Variants in STXBP5L observed in about 807,000 individuals in gnomAD.
STXBP5L encodes the protein syntaxin-binding protein 5-like.
Under a neutral mutation model 144.5 loss-of-function variants are expected in STXBP5L, and 65 were observed. The observed-to-expected ratio is 0.45, with a 90% CI of 0.37 to 0.55. The LOEUF (loss-of-function observed/expected upper bound fraction) is 0.55. Ranked by LOEUF, STXBP5L falls within the 20% of genes least tolerant of loss-of-function variation. STXBP5L has a pLI of 0.00. For synonymous variants in STXBP5L, 505 were observed against 469.6 expected, an observed-to-expected ratio of 1.08 and a Z score of -0.97; for missense variants, 1,298 against 1,405.5, an observed-to-expected ratio of 0.92 and a Z score of 1.22.
chr3:120,942,158 T>C (rs1382860265), intron 2 of STXBP5L, among the ~76,000 whole-genome samples: 2 of 151,758 alleles, frequency 1.3e-5, no homozygotes, highest in Non-Finnish European at 3.0e-5. Context: ...TTTTTGAAGA[T>C]ACTTTGAAAA....
chr3:121,044,174 A>G (rs767957221), intron 4 of STXBP5L, among the ~76,000 whole-genome samples: 4 of 152,162 alleles, frequency 2.6e-5, no homozygotes, highest in Non-Finnish European at 4.4e-5. Flanking sequence ...ACATGTATGT[A>G]TGTAATTAGA....
intron 10 of STXBP5L, among the ~76,000 whole-genome samples, chr3:121,212,400 A>C: frequency 6.6e-6 from 1 of 152,188 alleles, no homozygotes; most frequent in East Asian, 1.9e-4. Context: ...ATAAGGTATA[A>C]GGAAGGGGTC....
chr3:121,120,178 A>C (rs1287205974), intron 6 of STXBP5L, among the ~76,000 whole-genome samples: 1 of 151,324 alleles, frequency 6.6e-6, no homozygotes, highest in African/African-American at 2.4e-5. Flanking sequence ...CGTAAAGTAC[A>C]CTTTGGTAAG....
At chr3:121,313,348 C>CG (rs2043624740) in intron 19 of STXBP5L, among the ~76,000 whole-genome samples, 1 of 129,076 alleles carries the variant, frequency 7.7e-6, no homozygotes, top group African/African-American at 3.3e-5. Context: ...GGGGGGCTGA[C>CG]CCCCCACCTC....
intron 20 of STXBP5L, among the ~76,000 whole-genome samples, chr3:121,356,270 C>T (rs962616229): frequency 2.0e-5 from 3 of 152,250 alleles, no homozygotes; most frequent in Non-Finnish European, 4.4e-5. Flanking sequence ...TGTCTGCTGC[C>T]TTTTGTTCAG....
intron 21 of STXBP5L, among the ~76,000 whole-genome samples, chr3:121,380,895 T>G (rs2046308163): frequency 1.3e-5 from 2 of 152,134 alleles, no homozygotes; most frequent in Non-Finnish European, 2.9e-5. Flanking sequence ...AAGAAACTGT[T>G]AGGGATTCTT....
intron 5 of STXBP5L, among the ~76,000 whole-genome samples, chr3:121,095,404 C>T (rs1362607875): frequency 1.3e-5 from 2 of 152,162 alleles, no homozygotes; most frequent in Non-Finnish European, 2.9e-5. Flanking sequence ...TCCATGCTCC[C>T]CGTCACTTTC....
chr3:121,156,370 A>G (rs1041746477), intron 8 of STXBP5L, among the ~76,000 whole-genome samples: 2 of 151,992 alleles, frequency 1.3e-5, no homozygotes, highest in Non-Finnish European at 1.5e-5. Flanking sequence ...ATTCACTTAT[A>G]TTAATCTTCT....
At chr3:121,356,733 AC>A (rs1311867962) in intron 20 of STXBP5L, among the ~76,000 whole-genome samples, 11 of 152,222 alleles carry the variant, frequency 7.2e-5, no homozygotes, top group Admixed American at 1.3e-4. Context: ...TGAACCAAGT[AC>A]CTCAATAGGA....
chr3:120,953,826 G>A (rs1282272168), intron 2 of STXBP5L, among the ~76,000 whole-genome samples: 2 of 151,994 alleles, frequency 1.3e-5, no homozygotes, highest in Non-Finnish European at 2.9e-5. Flanking sequence ...GCTCTGGATG[G>A]GATAGAACCT....
At chr3:120,955,356 T>G (rs1297853816) in intron 3 of STXBP5L, among the ~76,000 whole-genome samples, 2 of 152,070 alleles carry the variant, frequency 1.3e-5, no homozygotes, top group African/African-American at 4.8e-5. Flanking sequence ...TGCGTTGCTC[T>G]TCTTTATTGT....
intron 20 of STXBP5L, among the ~76,000 whole-genome samples, chr3:121,333,479 G>A (rs773655844): frequency 1.3e-4 from 20 of 151,236 alleles, no homozygotes; most frequent in Non-Finnish European, 2.7e-4. Flanking sequence ...AGAGGACCAA[G>A]AGCAAACCAA....
intron 9 of STXBP5L, among the ~76,000 whole-genome samples, chr3:121,173,752 T>A (rs557532984): frequency 6.6e-6 from 1 of 152,244 alleles, no homozygotes; most frequent in African/African-American, 2.4e-5. Flanking sequence ...TGTTATCTCT[T>A]TACAAGATGA....
chr3:121,207,890 G>A (rs1022893903), intron 10 of STXBP5L, among the ~76,000 whole-genome samples: 2 of 152,158 alleles, frequency 1.3e-5, no homozygotes, highest in African/African-American at 4.8e-5. Flanking sequence ...TGGTGGGACT[G>A]TAAACTAGTT....
At chr3:121,005,417 T>G (rs1006317596) in intron 3 of STXBP5L, among the ~76,000 whole-genome samples, 31 of 152,198 alleles carry the variant, frequency 2.0e-4, no homozygotes, top group African/African-American at 6.5e-4. Flanking sequence ...TCATGTTTTA[T>G]TGCGTCTATT....
chr3:121,018,496 T>G (rs1431489601), intron 3 of STXBP5L, among the ~76,000 whole-genome samples: 1 of 136,238 alleles, frequency 7.3e-6, no homozygotes, highest in African/African-American at 2.8e-5. Context: ...AAACAAGTGA[T>G]GCTGGAACAA....
chr3:120,976,518 G>A (rs888791608), intron 3 of STXBP5L, among the ~76,000 whole-genome samples: 27 of 152,018 alleles, frequency 1.8e-4, no homozygotes, highest in African/African-American at 6.3e-4. Flanking sequence ...TTAATTTTTT[G>A]AAGGGTTTTT....
chr3:121,331,313 C>T (rs899071708), intron 20 of STXBP5L, among the ~76,000 whole-genome samples: 3 of 152,210 alleles, frequency 2.0e-5, no homozygotes, highest in Admixed American at 2.0e-4. Context: ...ACTTCTCCCC[C>T]TTGCTCGCCA....
At chr3:121,318,886 A>C (rs757784981) in intron 20 of STXBP5L, among the ~76,000 whole-genome samples, 1 of 152,222 alleles carries the variant, frequency 6.6e-6, no homozygotes, top group Admixed American at 6.5e-5. Context: ...GAGCTGAATT[A>C]GTGGGAAATA....
Sources: gnomAD v4.1 joint callset for allele counts (sites outside exome capture counted in the v4.1 genomes callset) on GRCh38, gnomAD v4.1.1 for gene constraint, MANE v1.5 for transcripts, NCBI Gene and HGNC (gene_info 2026-07-23, HGNC 2026-07-21) for gene names.